Variants in EFNA2 observed in about 807,000 individuals in gnomAD.
EFNA2 encodes ephrin-A2.
A neutral mutation model predicts 19.7 loss-of-function variants in EFNA2; 18 were observed. The ratio of observed to expected loss-of-function variants is 0.91; its 90% CI spans 0.63 to 1.35. The LOEUF is 1.35. Among genes scored for constraint, EFNA2 ranks in the 40% most tolerant of loss-of-function variants. The pLI is 0.00. For synonymous variants in EFNA2, 187 were observed against 137.8 expected, an observed-to-expected ratio of 1.36 and a Z score of -2.50; for missense variants, 303 against 296.0, an observed-to-expected ratio of 1.02 and a Z score of -0.17.
rs572742135 is a variant in EFNA2, at chr19:1,294,633, G to C, written c.141-912G>C. ...TGGGAGTGGAGCCCAGGATGTCTCC[G>C]AGCTGGGCGGCAGGTGGAACTCGGC... On this transcript the variant is annotated intron_variant, in intron 1 of 3. Coordinates refer to ENST00000215368, the MANE Select transcript of EFNA2 (RefSeq NM_001405.4). The surrounding 1 kb of genome is among the most constrained non-coding windows in gnomAD (Gnocchi z 5.8). Among the ~76,000 whole-genome samples the C allele has an allele frequency of 4.6e-5, 7 of 151,902 alleles. No individual in the cohort carries two copies. The highest frequency in any genetic ancestry group is 3.3e-4 in the Admixed American group (5 of 15,280).
chr19:1,293,991 G>T (rs916850595), intron 1 of EFNA2, among the ~76,000 whole-genome samples: 8 of 152,218 alleles, frequency 5.3e-5, no homozygotes, highest in African/African-American at 1.9e-4. Flanking sequence ...CCAGTGTGGG[G>T]CCTGCGGCGG....
chr19:1,298,653 C>G (rs141813583), intron 3 of EFNA2, 37 bp downstream of exon 3: 1 of 1,607,718 alleles, frequency 6.2e-7, no homozygotes. Flanking sequence ...TCCAGGCCCC[C>G]ACCCCTGTGT....
At chr19:1,293,354 G>A (rs906528778) in intron 1 of EFNA2, among the ~76,000 whole-genome samples, 2 of 152,234 alleles carry the variant, frequency 1.3e-5, no homozygotes, top group African/African-American at 2.4e-5. Context: ...GCCTGTGCCC[G>A]GCCGGCCAAT....
At chr19:1,285,214 G>A (rs1369707471), upstream of EFNA2, among the ~76,000 whole-genome samples, 1 of 152,200 alleles carries the variant, frequency 6.6e-6, no homozygotes, top group African/African-American at 2.4e-5. The surrounding 1 kb of genome is among the most constrained non-coding windows in gnomAD (Gnocchi z 4.1). Flanking sequence ...CTGTGCCCCC[G>A]GGCAGCGGCC....
Position 1,286,342 on chromosome 19 carries a change from A to AC in EFNA2, c.140+40dup, listed in dbSNP as rs1024715541. On this transcript the variant is annotated intron_variant, in intron 1 of 3. Coordinates refer to ENST00000215368, the MANE Select transcript of EFNA2 (RefSeq NM_001405.4). This position sits in a 1 kb window ranked among gnomAD's most constrained non-coding sequence, Gnocchi z 5.6. Reference sequence around the variant, plus strand: ...GGCCGCGCGCGGGGGGCGCCCGGGGACCCCCCAACGCCCCCCAAGCCGCGC... The same window carrying AC: ...GGCCGCGCGCGGGGGGCGCCCGGGGACCCCCCCAACGCCCCCCAAGCCGCGC... 6.5e-5 allele frequency: 63 copies of AC among 969,244 alleles called. No homozygotes were observed. The highest frequency in any genetic ancestry group is 7.3e-5 in the Non-Finnish European group (60 of 821,146). The allele number at this position is 969,244 out of a possible 1,614,324, so 60.0% of individuals were successfully genotyped here.
In EFNA2 at chr19:1,295,872, G is replaced by C; in HGVS notation, c.454+14G>C. ...ATTACTACATCTGTGAGTGGGGTCG[G>C]GCCGGGGCTGCCGGGGCCCGAGTGG... On this transcript the variant is annotated intron_variant, in intron 2 of 3. Transcript: ENST00000215368. The surrounding 1 kb of genome is among the most constrained non-coding windows in gnomAD (Gnocchi z 5.8). 3 of 1,565,580 alleles carry C rather than the reference G, an allele frequency of 1.9e-6. No individual in the cohort carries two copies. Among genetic ancestry groups the C allele is most frequent in the Non-Finnish European group, 2.6e-6 (3 of 1,163,588 alleles).
In EFNA2 at chr19:1,298,537, C is replaced by A. The variant is rs372956924; in HGVS notation, c.455-14C>A. The stretch of plus-strand genomic sequence containing the variant: ...GAGGCACTTCCCCACTCATCCCCAT[C>A]CCCTCTCTTCTAGCTGCCACGCCTC... On this transcript the variant is annotated splice_polypyrimidine_tract_variant and intron_variant, in intron 2 of 3. Coordinates refer to ENST00000215368, the MANE Select transcript of EFNA2 (RefSeq NM_001405.4). 1.5e-4 allele frequency: 240 copies of A among 1,613,504 alleles called. No individual in the cohort carries two copies. The highest frequency in any genetic ancestry group is 1.9e-4 in the Non-Finnish European group (222 of 1,179,846).
intron 1 of EFNA2, among the ~76,000 whole-genome samples, chr19:1,291,382 C>T (rs2144616063): frequency 6.6e-6 from 1 of 152,348 alleles, no homozygotes; most frequent in East Asian, 1.9e-4. Context: ...CCTTCAGGTC[C>T]CACCCAGGTC....
rs1600060974 is a variant in EFNA2 at position 1,297,243 on chromosome 19, G to C, written c.455-1308G>C. Among the ~76,000 whole-genome samples, 1 of 152,170 alleles carries C rather than the reference G, an allele frequency of 6.6e-6. No individual in the cohort carries two copies. Among genetic ancestry groups the C allele is most frequent in the African/African-American group, 2.4e-5 (1 of 41,442 alleles). On this transcript the variant is annotated intron_variant, in intron 2 of 3. Transcript: ENST00000215368. The surrounding 1 kb of genome is among the most constrained non-coding windows in gnomAD (Gnocchi z 5.0). ...CCTGGACACCCAGCTCCTGCTGTGT[G>C]AAATTAAACTTTACAAGGCCCCATT... is the stretch of plus-strand genomic sequence containing the variant.
At position 1,298,608 on chromosome 19, in the gene EFNA2, G is replaced by A. The variant is rs760681578; in HGVS notation, c.512G>A (p.Arg171Gln). The change falls in exon 3 of 4, where the codon CGG becomes CAG. Residue 171 changes from arginine to glutamine, a missense_variant. Coordinates refer to ENST00000215368, the MANE Select transcript of EFNA2 (RefSeq NM_001405.4). ...RPCLRLKVYV[R>Q]PTNETLYEAP... ...TGCCTGCGACTGAAGGTGTACGTGC[G>A]GCCGACCAGTAAGTGCTCAGGGGGA... 18 of 1,613,848 alleles carry A rather than the reference G, an allele frequency of 1.1e-5. No homozygotes were observed. The highest frequency in any genetic ancestry group is 1.7e-5 in the Admixed American group (1 of 59,986).
intron 1 of EFNA2, among the ~76,000 whole-genome samples, chr19:1,293,951 T>C (rs1415538941): frequency 6.6e-6 from 1 of 152,136 alleles, no homozygotes; most frequent in Non-Finnish European, 1.5e-5. Context: ...CACCACCCTC[T>C]CTCTCGAGCT....
intron 1 of EFNA2, among the ~76,000 whole-genome samples, chr19:1,291,668 A>G (rs11878902): frequency 0.21 from 32,617 of 152,132 alleles, 4,473 homozygotes; most frequent in African/African-American, 0.39. Context: ...CGGCCACACC[A>G]CTGCCTCAGT....
In EFNA2 at chr19:1,300,289, G is replaced by GTTTTTTTTT. The variant is rs1600063516; in HGVS notation, c.*345_*346insTTTTTTTTT. On this transcript the variant is annotated 3_prime_UTR_variant, in exon 4 of 4. Transcript: ENST00000215368. ...TTTTTTTTTTTTTAGTGTATTTTTC[G>GTTTTTTTTT]TGGTTGGATCAAAAAGACTTGAGTT... The GTTTTTTTTT allele has an allele frequency of 7.8e-6, 1 of 128,292 alleles. No homozygotes were observed. Among genetic ancestry groups the GTTTTTTTTT allele is most frequent in the Non-Finnish European group, 1.5e-5 (1 of 68,228 alleles). 7.9% of individuals were successfully genotyped at this position (128,292 alleles called of 1,614,324 possible). A position where few individuals can be genotyped will look rare whatever the true frequency, so the allele number is the denominator to read the frequency against.
chr19:1,295,650 G>T lies in EFNA2; in HGVS notation c.246G>T (p.Pro82=). The T allele has an allele frequency of 6.2e-7, 1 of 1,611,706 alleles. No individual in the cohort carries two copies. Among genetic ancestry groups the T allele is most frequent in the Middle Eastern group, 1.7e-4 (1 of 6,054 alleles). The change falls in exon 2 of 4, where the codon CCG becomes CCT. Residue 82 remains proline, a synonymous_variant. Transcript: ENST00000215368. This position sits in a 1 kb window ranked among gnomAD's most constrained non-coding sequence, Gnocchi z 5.8. ...CGCACTATGGGGCGCCGCTGCCGCC[G>T]GCCGAGCGCATGGAGCACTACGTGC... ...YCPHYGAPLP[P]AERMEHYVLY...
rs776449801 is a variant in EFNA2, at chr19:1,295,836, C to T, written c.432C>T (p.Pro144=). Residue 144 remains proline, a synonymous_variant, in exon 2 of 4, where the codon CCC becomes CCT. Coordinates refer to ENST00000215368, the MANE Select transcript of EFNA2 (RefSeq NM_001405.4). This position sits in a 1 kb window ranked among gnomAD's most constrained non-coding sequence, Gnocchi z 5.8. Reference sequence around the variant, plus strand: ...TCTCCCTGGGCTTCGAGTTCCGGCCCGGCCACGAGTATTACTACATCTGTG... The same window carrying T: ...TCTCCCTGGGCTTCGAGTTCCGGCCTGGCCACGAGTATTACTACATCTGTG... ...TPFSLGFEFR[P]GHEYYYISAT... 15 of 1,604,194 alleles carry T rather than the reference C, an allele frequency of 9.4e-6. No homozygotes were observed. In the East Asian group the frequency reaches 1.8e-4, roughly 19 times the overall value.
chr19:1,300,043 C>A lies in EFNA2; in HGVS notation c.*98C>A, dbSNP rs1199810696. ...CGGCTGCGGCCCCCGCCTCCGAGACCAAATAGAGACGCTGCTTCTCCCTCG... is the reference window on the plus strand; with the variant it reads ...CGGCTGCGGCCCCCGCCTCCGAGACAAAATAGAGACGCTGCTTCTCCCTCG... On this transcript the variant is annotated 3_prime_UTR_variant, in exon 4 of 4. Transcript: ENST00000215368. 15 of 1,419,764 alleles carry A rather than the reference C, an allele frequency of 1.1e-5. No individual in the cohort carries two copies. The highest frequency in any genetic ancestry group is 2.1e-4 in the Middle Eastern group (1 of 4,746). 87.9% of individuals were successfully genotyped at this position (1,419,764 alleles called of 1,614,324 possible). A position where few individuals can be genotyped will look rare whatever the true frequency, so the allele number is the denominator to read the frequency against.
In EFNA2 at chr19:1,300,014, G is replaced by A; in HGVS notation, c.*69G>A. The A allele has an allele frequency of 1.3e-6, 2 of 1,505,192 alleles. No individual in the cohort carries two copies. Among genetic ancestry groups the A allele is most frequent in the Non-Finnish European group, 1.8e-6 (2 of 1,132,742 alleles). 93.2% of individuals were successfully genotyped at this position (1,505,192 alleles called of 1,614,324 possible). ...TGGACCGCCTGACCTCGGCCCTCCG[G>A]ACCCGGCTGCGGCCCCCGCCTCCGA... On this transcript the variant is annotated 3_prime_UTR_variant, in exon 4 of 4. Transcript: ENST00000215368.
At position 1,286,273 on chromosome 19, in the gene EFNA2, C is replaced by T. The variant is rs2081463921; in HGVS notation, c.105C>T (p.Asp35=). The T allele has an allele frequency of 1.8e-6, 2 of 1,094,776 alleles. No homozygotes were observed. The highest frequency in any genetic ancestry group is 2.3e-5 in the South Asian group (1 of 44,154). The allele number at this position is 1,094,776 out of a possible 1,614,324, so 67.8% of individuals were successfully genotyped here. ...AGGACGCCGCCCGCGCCAACTCGGA[C>T]CGCTACGCCGTCTACTGGAACCGCA... is the stretch of plus-strand genomic sequence containing the variant. ...RAEDAARANS[D]RYAVYWNRSN... is the part of the protein sequence containing the mutation. Residue 35 remains aspartate, a synonymous_variant, in exon 1 of 4, where the codon GAC becomes GAT. Transcript: ENST00000215368. The surrounding 1 kb of genome is among the most constrained non-coding windows in gnomAD (Gnocchi z 5.6).
rs1220565674 is a variant in EFNA2, at chr19:1,287,366, C to T, written c.140+1058C>T. On this transcript the variant is annotated intron_variant, in intron 1 of 3. Transcript: ENST00000215368. The surrounding 1 kb of genome is among the most constrained non-coding windows in gnomAD (Gnocchi z 6.2). The stretch of plus-strand genomic sequence containing the variant: ...TCCTAAGGCACACGGAGCTGCACAT[C>T]GGGGGCTGAGGCGGCCCCCCCCCAC... Among the ~76,000 whole-genome samples the T allele has an allele frequency of 6.6e-6, 1 of 152,064 alleles. No homozygotes were observed. Among genetic ancestry groups the T allele is most frequent in the Non-Finnish European group, 1.5e-5 (1 of 67,996 alleles).
Sources: gnomAD v4.1 joint callset for allele counts (sites outside exome capture counted in the v4.1 genomes callset) on GRCh38, gnomAD v4.1.1 for gene constraint, Gnocchi (gnomAD v3.1) non-coding constraint, MANE v1.5 for transcripts, NCBI Gene and HGNC (gene_info 2026-07-23, HGNC 2026-07-21) for gene names.